PDE1A: variants seen among roughly 807,000 people sequenced by gnomAD.
PDE1A encodes dual specificity calcium/calmodulin-dependent 3',5'-cyclic nucleotide phosphodiesterase 1A.
In PDE1A, 35 loss-of-function variants were observed where a neutral mutation model predicts 61.7. The observed-to-expected ratio is 0.57, with a 90% CI of 0.43 to 0.75. PDE1A has a LOEUF of 0.75. Ranked by LOEUF, PDE1A falls within the 30% of genes least tolerant of loss-of-function variation. PDE1A has a pLI of 0.00. For synonymous variants in PDE1A, 232 were observed against 213.2 expected, an observed-to-expected ratio of 1.09 and a Z score of -0.77; for missense variants, 597 against 630.6, an observed-to-expected ratio of 0.95 and a Z score of 0.57.
intron 1 of PDE1A, among the ~76,000 whole-genome samples, chr2:182,276,708 T>C (rs1693438277): frequency 1.3e-5 from 2 of 152,082 alleles, no homozygotes; most frequent in Non-Finnish European, 2.9e-5. Context: ...ACAGCCATAT[T>C]TTTCTTCTTG....
chr2:182,664,634 G>C, the PDE1A span, among the ~76,000 whole-genome samples: 12 of 152,282 alleles, frequency 7.9e-5, no homozygotes, highest in Admixed American at 2.0e-4. Context: ...AGGAAGGAAG[G>C]AGGGAATGTG....
At chr2:182,485,777 T>C (rs1687982926) in intron 2 of PDE1A, among the ~76,000 whole-genome samples, 1 of 151,984 alleles carries the variant, frequency 6.6e-6, no homozygotes, top group African/African-American at 2.4e-5. Flanking sequence ...GAAAAACTAT[T>C]TGACAAAATC....
the PDE1A span, among the ~76,000 whole-genome samples, chr2:182,574,679 A>T: frequency 6.6e-6 from 1 of 152,222 alleles, no homozygotes; most frequent in Admixed American, 6.5e-5. Context: ...ATCACAGTCT[A>T]CGTTTTTTTT....
intron 1 of PDE1A, among the ~76,000 whole-genome samples, chr2:182,311,385 C>A (rs1695961307): frequency 2.0e-5 from 3 of 152,160 alleles, no homozygotes; most frequent in Admixed American, 2.0e-4. Context: ...CAAAAATAAT[C>A]TTTCTGAAGT....
intron 2 of PDE1A, among the ~76,000 whole-genome samples, chr2:182,478,199 T>A (rs1574756195): frequency 2.0e-5 from 3 of 152,062 alleles, no homozygotes; most frequent in African/African-American, 7.2e-5. Context: ...TCTAAAGATG[T>A]ATTTCTTTGT....
At chr2:182,626,850 T>TATATATAC in the PDE1A span, among the ~76,000 whole-genome samples, 12 of 23,868 alleles carry the variant, frequency 5.0e-4, no homozygotes, top group Admixed American at 8.4e-4. Context: ...TATATATACA[T>TATATATAC]ATATATATAC....
At chr2:182,364,485 A>AC (rs1699714401) in intron 1 of PDE1A, among the ~76,000 whole-genome samples, 1 of 146,600 alleles carries the variant, frequency 6.8e-6, no homozygotes. Context: ...AAAAAAAAAA[A>AC]AAAAAAAAAA....
the PDE1A span, among the ~76,000 whole-genome samples, chr2:182,644,235 G>T: frequency 7.1e-6 from 1 of 140,216 alleles, no homozygotes; most frequent in East Asian, 2.1e-4. Flanking sequence ...TTTTACTTCC[G>T]ATGTCTCCAG....
the PDE1A span, among the ~76,000 whole-genome samples, chr2:182,579,720 T>C: frequency 2.0e-5 from 3 of 151,688 alleles, no homozygotes; most frequent in South Asian, 6.2e-4. Flanking sequence ...GTACATGGTA[T>C]GCCCAAAAAA....
At chr2:182,435,511 A>C (rs998142709) in intron 2 of PDE1A, among the ~76,000 whole-genome samples, 3 of 152,080 alleles carry the variant, frequency 2.0e-5, no homozygotes, top group African/African-American at 7.2e-5. Flanking sequence ...ATTCGCCTGC[A>C]GTTACAGAGG....
In PDE1A at chr2:182,238,266, C is replaced by CAAAACAAAAAAAA. The variant is rs1690209794; in HGVS notation, c.350+1843_350+1844insTTTTTTTTGTTTT. Reference sequence around the variant, plus strand: ...CCTGGGTGACAGAGCCAGACTACGTCAAAAAAAAAAAAAAAAGAAAAAGAA... The same window carrying CAAAACAAAAAAAA: ...CCTGGGTGACAGAGCCAGACTACGTCAAAACAAAAAAAAAAAAAAAAAAAAAAAAGAAAAAGAA... On this transcript the variant is annotated intron_variant, in intron 3 of 13. Coordinates refer to ENST00000351439, the Ensembl canonical transcript of PDE1A. Among the ~76,000 whole-genome samples the CAAAACAAAAAAAA allele has an allele frequency of 3.1e-5, 3 of 98,062 alleles. No individual in the cohort carries two copies. In the Admixed American group the frequency reaches 3.7e-4, roughly 12 times the overall value. 64.3% of individuals were successfully genotyped at this position (98,062 alleles called of 152,430 possible). A position where few individuals can be genotyped will look rare whatever the true frequency, so the allele number is the denominator to read the frequency against.
chr2:182,427,194 T>C (rs573542745), upstream of PDE1A: 256 of 164,396 alleles, frequency 1.6e-3, no homozygotes, highest in Non-Finnish European at 2.8e-3. Flanking sequence ...TGAAGAAAGA[T>C]AGGCTCGGGT....
chr2:182,396,336 G>T (rs1264670735), intron 1 of PDE1A, among the ~76,000 whole-genome samples: 1 of 152,228 alleles, frequency 6.6e-6, no homozygotes, highest in East Asian at 1.9e-4. Context: ...TGTGCACTTT[G>T]CTTGGAAGGA....
chr2:182,690,890 CAAACAG>C, the PDE1A span, among the ~76,000 whole-genome samples: 3 of 152,242 alleles, frequency 2.0e-5, no homozygotes, highest in African/African-American at 7.2e-5. Flanking sequence ...CAATAACAGA[CAAACAG>C]AGAGCCAAAT....
At chr2:182,154,016 A>G (rs1574505482) in intron 13 of PDE1A, among the ~76,000 whole-genome samples, 1 of 146,240 alleles carries the variant, frequency 6.8e-6, no homozygotes, top group African/African-American at 2.5e-5. Flanking sequence ...ATTGATTTTA[A>G]CTATCTACCT....
chr2:182,690,287 A>C, the PDE1A span, among the ~76,000 whole-genome samples: 50 of 152,354 alleles, frequency 3.3e-4, no homozygotes, highest in Admixed American at 6.5e-4. Context: ...TCAATAAAAT[A>C]CTGGCAAATG....
the PDE1A span, among the ~76,000 whole-genome samples, chr2:182,690,784 T>C: frequency 6.6e-6 from 1 of 152,176 alleles, no homozygotes; most frequent in African/African-American, 2.4e-5. Flanking sequence ...GAAAAACCCA[T>C]CATCTCAGCC....
chr2:182,293,561 T>C (rs1253039110), intron 1 of PDE1A, among the ~76,000 whole-genome samples: 2 of 152,100 alleles, frequency 1.3e-5, no homozygotes, highest in African/African-American at 4.8e-5. Flanking sequence ...ATCATGATAG[T>C]ATGAATAATA....
intron 8 of PDE1A, among the ~76,000 whole-genome samples, 185 bp from the exon 9 acceptor site, chr2:182,201,974 G>T (rs1379591345): frequency 6.6e-6 from 1 of 152,122 alleles, no homozygotes; most frequent in Non-Finnish European, 1.5e-5. Flanking sequence ...AACTGTCATG[G>T]ATCTAAGAAG....
Sources: gnomAD v4.1 joint callset for allele counts (sites outside exome capture counted in the v4.1 genomes callset) on GRCh38, gnomAD v4.1.1 for gene constraint, MANE v1.5 for transcripts, NCBI Gene and HGNC (gene_info 2026-07-23, HGNC 2026-07-21) for gene names.